The following PCSK5 variants were observed in gnomAD, a reference collection of about 807,000 sequenced individuals.
The protein encoded by PCSK5 is proprotein convertase subtilisin/kexin type 5, also known as prohormone convertase 5.
In PCSK5, 129 loss-of-function variants were observed where a neutral mutation model predicts 233.2. The ratio of observed to expected loss-of-function variants is 0.55; its 90% CI spans 0.48 to 0.64. The LOEUF (loss-of-function observed/expected upper bound fraction) is 0.64, where lower values mean the gene tolerates loss of function less well. Among genes scored for constraint, PCSK5 ranks in the 30% least tolerant of loss-of-function variants. The pLI, the probability that PCSK5 is intolerant of heterozygous loss-of-function variation, is 0.00. For missense variants in PCSK5, 2,076 were observed against 2,430.1 expected (o/e 0.85, Z 3.06); for synonymous variants, 825 against 879.2 (o/e 0.94, Z 1.09).
At chr9:75,897,650 C>T (rs1825869103) in intron 1 of PCSK5, among the ~76,000 whole-genome samples, 2 of 151,998 alleles carry the variant, frequency 1.3e-5, no homozygotes, top group South Asian at 4.1e-4. Flanking sequence ...AGCACCACCA[C>T]ACCTGGCTAA....
chr9:75,949,900 G>A (rs1824766314), intron 2 of PCSK5, among the ~76,000 whole-genome samples: 1 of 152,144 alleles, frequency 6.6e-6, no homozygotes, highest in Non-Finnish European at 1.5e-5. Flanking sequence ...CAGGCATGCA[G>A]TGCATAATAA....
At chr9:75,913,119 A>C (rs1031014016) in intron 1 of PCSK5, among the ~76,000 whole-genome samples, 7 of 152,176 alleles carry the variant, frequency 4.6e-5, no homozygotes, top group Admixed American at 2.6e-4. Context: ...GTTCTTAAAT[A>C]AGCAGCCAGG....
chr9:76,296,427 C>T (rs560651662), intron 26 of PCSK5, among the ~76,000 whole-genome samples: 9 of 152,148 alleles, frequency 5.9e-5, no homozygotes, highest in East Asian at 1.9e-4. Flanking sequence ...CCTGTAGTCC[C>T]GGTCACTCAA....
At chr9:75,922,333 G>A (rs1478211891) in intron 1 of PCSK5, among the ~76,000 whole-genome samples, 1 of 152,128 alleles carries the variant, frequency 6.6e-6, no homozygotes, top group African/African-American at 2.4e-5. Flanking sequence ...GCCAAGGGAG[G>A]TCATGGTATC....
intron 12 of PCSK5, among the ~76,000 whole-genome samples, chr9:76,160,145 G>A (rs1007247442): frequency 6.6e-6 from 1 of 152,082 alleles, no homozygotes; most frequent in Non-Finnish European, 1.5e-5. Flanking sequence ...TATTGCCCTA[G>A]AGGGTATTCA....
chr9:75,969,676 G>A (rs1007602651), intron 2 of PCSK5, among the ~76,000 whole-genome samples: 28 of 152,044 alleles, frequency 1.8e-4, no homozygotes, highest in African/African-American at 5.3e-4. Context: ...GTTCACGAAC[G>A]CGTTACCATA....
intron 12 of PCSK5, among the ~76,000 whole-genome samples, chr9:76,167,102 G>T (rs1156867288): frequency 1.3e-5 from 2 of 152,138 alleles, no homozygotes; most frequent in African/African-American, 2.4e-5. Context: ...CATTCCAGTG[G>T]GAAAATATTC....
intron 9 of PCSK5, among the ~76,000 whole-genome samples, chr9:76,117,146 A>G (rs1164884267): frequency 2.0e-5 from 3 of 151,932 alleles, no homozygotes; most frequent in African/African-American, 7.3e-5. Flanking sequence ...ATGTTTAGCT[A>G]GTTTGGTATG....
intron 24 of PCSK5, among the ~76,000 whole-genome samples, chr9:76,246,403 G>T (rs1587800120): frequency 6.7e-6 from 1 of 149,948 alleles, no homozygotes; most frequent in African/African-American, 2.4e-5. Context: ...TATCAGACTG[G>T]CAAAAATTCA....
At chr9:76,219,665 G>A (rs570734276) in intron 20 of PCSK5, among the ~76,000 whole-genome samples, 17 of 152,200 alleles carry the variant, frequency 1.1e-4, no homozygotes, top group South Asian at 2.1e-4. Flanking sequence ...TGGCAGTGTC[G>A]TGCTCACTCA....
rs550518074 is a variant in PCSK5, at chr9:75,994,400, C to CTT, written c.411+8196_411+8197dup. Among the ~76,000 whole-genome samples the CTT allele has an allele frequency of 3.9e-4, 32 of 82,006 alleles. 1 individual carries two copies. The highest frequency in any genetic ancestry group is 5.1e-4 in the Non-Finnish European group (24 of 46,868). The allele number at this position is 82,006 out of a possible 152,430, so 53.8% of individuals were successfully genotyped here. ...GTTTCTTTCTTTTCTTTCTTTCTTT[C>CTT]TTTTTTTTTTTTTTTTTTTTTTTTT... is the stretch of plus-strand genomic sequence containing the variant. On this transcript the variant is annotated intron_variant, in intron 3 of 37. Transcript: ENST00000674117.
chr9:76,210,099 C>G (rs1019861521), intron 20 of PCSK5, among the ~76,000 whole-genome samples: 4 of 152,146 alleles, frequency 2.6e-5, no homozygotes, highest in Non-Finnish European at 2.9e-5. Flanking sequence ...AGCAGCTGAC[C>G]TTGAGACAAA....
At chr9:76,186,853 G>A (rs1218931562) in intron 17 of PCSK5, among the ~76,000 whole-genome samples, 2 of 152,080 alleles carry the variant, frequency 1.3e-5, no homozygotes, top group African/African-American at 2.4e-5. Context: ...TTAAATGACA[G>A]CGCTCTCTCT....
intron 20 of PCSK5, chr9:76,193,976 T>G (rs1824558721): frequency 6.6e-6 from 1 of 152,346 alleles, no homozygotes; most frequent in South Asian, 2.1e-4. Flanking sequence ...ATGTACTGGT[T>G]TTTGCATTTT....
At chr9:76,074,242 G>T (rs1830569193) in intron 7 of PCSK5, among the ~76,000 whole-genome samples, 2 of 151,974 alleles carry the variant, frequency 1.3e-5, no homozygotes, top group Non-Finnish European at 2.9e-5. Context: ...ATCTTTCTGG[G>T]GCAACCCTTA....
intron 5 of PCSK5, among the ~76,000 whole-genome samples, chr9:76,055,438 G>A (rs961150893): frequency 6.6e-6 from 1 of 151,670 alleles, no homozygotes; most frequent in Admixed American, 6.6e-5. Flanking sequence ...ATATATTTTG[G>A]TAAGCTTTTC....
chr9:76,209,669 T>C (rs1825258854), intron 20 of PCSK5, among the ~76,000 whole-genome samples: 1 of 152,146 alleles, frequency 6.6e-6, no homozygotes. Flanking sequence ...AGTTGTGGTC[T>C]AGATCACAGA....
At chr9:76,064,819 C>T (rs145640854) in intron 5 of PCSK5, among the ~76,000 whole-genome samples, 1,531 of 151,978 alleles carry the variant, frequency 0.01, 24 homozygotes, top group African/African-American at 0.034. Context: ...GATGGGCGGC[C>T]GGGCAGAGAC....
intron 3 of PCSK5, among the ~76,000 whole-genome samples, chr9:76,021,311 A>G (rs1009935166): frequency 1.3e-5 from 2 of 152,036 alleles, no homozygotes; most frequent in Admixed American, 6.6e-5. Flanking sequence ...GATTGCATAG[A>G]ACAGAGAGAG....
Sources: allele counts gnomAD v4.1 joint callset (sites outside exome capture counted in the v4.1 genomes callset), GRCh38; gene constraint gnomAD v4.1.1; transcripts MANE v1.5; gene names NCBI Gene and HGNC (gene_info 2026-07-23, HGNC 2026-07-21).